SRGAP3: variants seen among roughly 807,000 people sequenced by gnomAD.
The protein encoded by SRGAP3 is SLIT-ROBO Rho GTPase activating protein 3.
In SRGAP3, 39 loss-of-function variants were observed where a neutral mutation model predicts 121.1. That is an observed-to-expected ratio of 0.32 (90% CI 0.25 to 0.42). The LOEUF (loss-of-function observed/expected upper bound fraction) is 0.42, where lower values mean the gene tolerates loss of function less well. Ranked by LOEUF, SRGAP3 falls within the 10% of genes least tolerant of loss-of-function variation. The pLI, the probability that SRGAP3 is intolerant of heterozygous loss-of-function variation, is 1.00. For missense variants in SRGAP3, 1,213 were observed against 1,470.6 expected (o/e 0.82, Z 2.86); for synonymous variants, 601 against 570.0 (o/e 1.05, Z -0.77).
At chr3:9,279,773 A>G (rs1954645241) in intron 3 of SRGAP3, among the ~76,000 whole-genome samples, 1 of 152,034 alleles carries the variant, frequency 6.6e-6, no homozygotes, top group Admixed American at 6.5e-5. Flanking sequence ...TCGGCCTCCC[A>G]AAGTGCTGGG....
At chr3:9,307,929 C>T (rs555292179) in intron 3 of SRGAP3, among the ~76,000 whole-genome samples, 2 of 152,260 alleles carry the variant, frequency 1.3e-5, no homozygotes, top group South Asian at 2.1e-4. Context: ...CCAAAGCGGG[C>T]GGATCACTTA....
chr3:9,296,277 G>A (rs1257830470), intron 3 of SRGAP3, among the ~76,000 whole-genome samples: 1 of 152,190 alleles, frequency 6.6e-6, no homozygotes, highest in Non-Finnish European at 1.5e-5. Context: ...AAGGGTTCCA[G>A]TTTCTCCACA....
At chr3:9,135,395 C>T (rs572071265) in intron 1 of SRGAP3, among the ~76,000 whole-genome samples, 9 of 152,330 alleles carry the variant, frequency 5.9e-5, no homozygotes, top group African/African-American at 2.2e-4. Context: ...AAACCCTCCC[C>T]TCAAGAAAAC....
intron 1 of SRGAP3, among the ~76,000 whole-genome samples, chr3:9,172,442 C>T (rs549814236): frequency 2.2e-4 from 34 of 152,294 alleles, no homozygotes; most frequent in African/African-American, 7.9e-4. Flanking sequence ...TGTAAAGACG[C>T]TATTTCCAAA....
At position 9,243,087 on chromosome 3, in the gene SRGAP3, C is replaced by G. The variant is rs553199012; in HGVS notation, c.67+5798G>C. On this transcript the variant is annotated intron_variant, in intron 1 of 21. Transcript: ENST00000383836. ...ATAAGCCTCTCTGCCCTCAAGAGTT[C>G]GTGGCCAAAGACCTAAACATAAAAT... Among the ~76,000 whole-genome samples the G allele has an allele frequency of 7.6e-4, 116 of 152,180 alleles. 1 individual carries two copies. The highest frequency in any genetic ancestry group is 1.2e-3 in the Non-Finnish European group (82 of 68,010).
Position 9,261,775 on chromosome 3 carries a change from T to G in SRGAP3, n.442+64235A>C, listed in dbSNP as rs181625738. ...AATGGAACCAAGCTGGAAAACACAC[T>G]TCAGGATATTATCCAGGAGAACTTC... On this transcript the variant is annotated intron_variant and non_coding_transcript_variant, in intron 3 of 3. Coordinates refer to the SRGAP3 transcript ENST00000490889. Among the ~76,000 whole-genome samples the G allele has an allele frequency of 3.1e-4, 47 of 151,328 alleles. 1 individual carries two copies. In the East Asian group the frequency reaches 9.0e-3, roughly 29 times the overall value.
intron 1 of SRGAP3, among the ~76,000 whole-genome samples, chr3:9,243,565 G>A (rs1953722084): frequency 6.6e-6 from 1 of 151,510 alleles, no homozygotes. Flanking sequence ...AACTCGGGAG[G>A]CAGAGGTTAT....
At chr3:9,327,884 C>T (rs930893671) in intron 2 of SRGAP3, among the ~76,000 whole-genome samples, 2 of 152,210 alleles carry the variant, frequency 1.3e-5, no homozygotes, top group African/African-American at 4.8e-5. Context: ...TACTTCGGGA[C>T]AGGAATTTAC....
intron 10 of SRGAP3, among the ~76,000 whole-genome samples, chr3:9,038,762 T>C (rs1230805566): frequency 2.0e-5 from 3 of 152,224 alleles, no homozygotes; most frequent in African/African-American, 7.2e-5. Context: ...CCTTATGCCC[T>C]GGTTCCATCC....
intron 1 of SRGAP3, among the ~76,000 whole-genome samples, chr3:9,153,133 C>G (rs1466993292): frequency 6.6e-6 from 1 of 152,170 alleles, no homozygotes; most frequent in African/African-American, 2.4e-5. Flanking sequence ...ACTCTTGTTA[C>G]CTCACCCAGT....
At chr3:9,297,909 GAGAA>G (rs1429682268) in intron 3 of SRGAP3, among the ~76,000 whole-genome samples, 2 of 150,986 alleles carry the variant, frequency 1.3e-5, no homozygotes, top group African/African-American at 4.9e-5. Context: ...AAAAAAAAAA[GAGAA>G]AGAGAGTATG....
rs551030412 is a variant in SRGAP3, at chr3:9,058,742, C to T, written c.802-270G>A. 1.1e-3 allele frequency: 424 copies of T among 391,596 alleles called. 1 individual carries two copies. The highest frequency in any genetic ancestry group is 1.7e-3 in the Non-Finnish European group (370 of 222,888). The allele number at this position is 391,596 out of a possible 1,614,324, so 24.3% of individuals were successfully genotyped here. A position where few individuals can be genotyped will look rare whatever the true frequency, so the allele number is the denominator to read the frequency against. On this transcript the variant is annotated intron_variant, in intron 6 of 21. Coordinates refer to ENST00000383836, the MANE Select transcript of SRGAP3 (RefSeq NM_014850.4). ...TTTTTTTTTTTTTTTTTTTTTGAGA[C>T]GGAGTCTAGCTCTGTCACTTAGGCT...
intron 3 of SRGAP3, among the ~76,000 whole-genome samples, chr3:9,323,126 G>T (rs908465446): frequency 6.6e-6 from 1 of 151,768 alleles, no homozygotes; most frequent in Non-Finnish European, 1.5e-5. Flanking sequence ...TGGAAAAAAA[G>T]AAAACTACTG....
chr3:9,060,428 C>CGTTT, intron 5 of SRGAP3, 69 bp from the exon 6 acceptor site: 1 of 1,175,390 alleles, frequency 8.5e-7, no homozygotes, highest in South Asian at 1.5e-5. Flanking sequence ...TTTTCTATTC[C>CGTTT]TTTTTTTTTT....
At chr3:9,081,940 T>C (rs1345193863) in intron 3 of SRGAP3, among the ~76,000 whole-genome samples, 1 of 152,186 alleles carries the variant, frequency 6.6e-6, no homozygotes, top group African/African-American at 2.4e-5. Context: ...GGTGATTAGG[T>C]CATAAGGGTG....
intron 3 of SRGAP3, among the ~76,000 whole-genome samples, chr3:9,321,055 TG>T (rs148084984): frequency 0.055 from 8,294 of 151,984 alleles, 764 homozygotes; most frequent in African/African-American, 0.19. Context: ...TACTTCTACT[TG>T]CCTCTCACTC....
At chr3:9,061,228 G>A (rs754144847) in intron 5 of SRGAP3, among the ~76,000 whole-genome samples, 5 of 152,112 alleles carry the variant, frequency 3.3e-5, no homozygotes, top group African/African-American at 4.8e-5. Flanking sequence ...GGGAGACTCC[G>A]TCTCAATCAA....
intron 3 of SRGAP3, among the ~76,000 whole-genome samples, chr3:9,316,131 C>T (rs962449893): frequency 5.9e-5 from 9 of 152,078 alleles, no homozygotes; most frequent in African/African-American, 2.2e-4. Context: ...TCATTGCAAC[C>T]TCCGCCTCTT....
intron 18 of SRGAP3, among the ~76,000 whole-genome samples, chr3:8,997,895 T>TTTTTTTTTC (rs1942507631): frequency 1.3e-5 from 2 of 151,962 alleles, no homozygotes; most frequent in African/African-American, 4.8e-5. Flanking sequence ...TTTTTCTTTT[T>TTTTTTTTTC]CTTGAGACAG....
Sources: allele counts gnomAD v4.1 joint callset (sites outside exome capture counted in the v4.1 genomes callset), GRCh38; gene constraint gnomAD v4.1.1; transcripts MANE v1.5; gene names NCBI Gene and HGNC (gene_info 2026-07-23, HGNC 2026-07-21).